The following CEP70 variants were observed in gnomAD, a reference collection of about 807,000 sequenced individuals.
CEP70 encodes centrosomal protein 70, also known as centrosomal protein of 70 kDa.
Under a neutral mutation model 90.9 loss-of-function variants are expected in CEP70, and 70 were observed. That is an observed-to-expected ratio of 0.77 (90% CI 0.64 to 0.94). The LOEUF is 0.94. Ranked by LOEUF, CEP70 falls within the 40% of genes least tolerant of loss-of-function variation. CEP70 has a pLI of 0.00. For missense variants in CEP70, 648 were observed against 669.0 expected (o/e 0.97, Z 0.35); for synonymous variants, 220 against 228.3 (o/e 0.96, Z 0.33).
Position 138,544,507 on chromosome 3 carries a change from G to C in CEP70, c.466-7160C>G, listed in dbSNP as rs569206609. Among the ~76,000 whole-genome samples the C allele has an allele frequency of 2.0e-3, 272 of 136,654 alleles. 2 individuals carry two copies. The highest frequency in any genetic ancestry group is 7.3e-3 in the African/African-American group (260 of 35,588). 89.7% of individuals were successfully genotyped at this position (136,654 alleles called of 152,430 possible). A position where few individuals can be genotyped will look rare whatever the true frequency, so the allele number is the denominator to read the frequency against. ...TATGATCCAGCAAACCCACTACAGA[G>C]TGTGTATGTATGTATGTATGTATGT... On this transcript the variant is annotated intron_variant, in intron 6 of 17. Transcript: ENST00000264982.
chr3:138,564,767 C>G (rs574010238), intron 6 of CEP70, among the ~76,000 whole-genome samples: 1 of 152,110 alleles, frequency 6.6e-6, no homozygotes, highest in Non-Finnish European at 1.5e-5. Flanking sequence ...ACCAGAAGCA[C>G]TCCCTTTGAA....
At chr3:138,557,160 ATTTGCT>A (rs1220143788) in intron 6 of CEP70, among the ~76,000 whole-genome samples, 1 of 152,116 alleles carries the variant, frequency 6.6e-6, no homozygotes, top group Non-Finnish European at 1.5e-5. Context: ...TATTTCTCCC[ATTTGCT>A]TTTGAAAGAA....
At chr3:138,555,346 C>A (rs2039931953) in intron 6 of CEP70, among the ~76,000 whole-genome samples, 1 of 151,002 alleles carries the variant, frequency 6.6e-6, no homozygotes, top group African/African-American at 2.4e-5. Context: ...ATCAGAAAAA[C>A]CCTTCTAGAC....
At chr3:138,524,852 G>A (rs2037049510) in intron 11 of CEP70, among the ~76,000 whole-genome samples, 1 of 152,252 alleles carries the variant, frequency 6.6e-6, no homozygotes, top group Admixed American at 6.5e-5. Context: ...GGAAGACAGT[G>A]TGGTGATTCC....
intron 10 of CEP70, among the ~76,000 whole-genome samples, chr3:138,527,319 T>C (rs960055565): frequency 6.9e-6 from 1 of 143,916 alleles, no homozygotes; most frequent in East Asian, 2.2e-4. Context: ...TACGCTACCA[T>C]GCCTGGCTAA....
At chr3:138,496,455 A>C (rs894243504) in intron 17 of CEP70, 1 of 985,342 alleles carries the variant, frequency 1.0e-6, no homozygotes, top group Non-Finnish European at 1.2e-6. Context: ...GTAAGGTACA[A>C]GATCAAGGTA....
chr3:138,576,360 A>G (rs2041523692), intron 2 of CEP70, among the ~76,000 whole-genome samples: 1 of 152,260 alleles, frequency 6.6e-6, no homozygotes, highest in Non-Finnish European at 1.5e-5. Context: ...AAAGAAGACC[A>G]TTACATAATG....
At chr3:138,508,834 C>T (rs964805374) in intron 11 of CEP70, among the ~76,000 whole-genome samples, 1 of 151,786 alleles carries the variant, frequency 6.6e-6, no homozygotes, top group Non-Finnish European at 1.5e-5. Context: ...CCCGGGTTCA[C>T]ACCATTCTCC....
chr3:138,583,774 G>A (rs2041977400), intron 2 of CEP70, among the ~76,000 whole-genome samples: 1 of 152,038 alleles, frequency 6.6e-6, no homozygotes, highest in African/African-American at 2.4e-5. Context: ...AATGGAAACA[G>A]AACATACCAA....
intron 17 of CEP70, chr3:138,497,175 A>G (rs977633586): frequency 4.2e-6 from 5 of 1,184,272 alleles, no homozygotes; most frequent in South Asian, 3.5e-5. Context: ...CCCACTGCAC[A>G]TAAGACTGGT....
At chr3:138,553,158 G>A (rs1368022645) in intron 6 of CEP70, among the ~76,000 whole-genome samples, 2 of 151,860 alleles carry the variant, frequency 1.3e-5, no homozygotes, top group Admixed American at 6.6e-5. Context: ...CCAATAACAA[G>A]CAGTGAGAAC....
At chr3:138,548,095 A>G (rs1342306374) in intron 6 of CEP70, among the ~76,000 whole-genome samples, 1 of 152,238 alleles carries the variant, frequency 6.6e-6, no homozygotes, top group Non-Finnish European at 1.5e-5. Flanking sequence ...ACGAATATCT[A>G]TTATGAATAT....
At chr3:138,582,932 A>G (rs1335970833) in intron 2 of CEP70, among the ~76,000 whole-genome samples, 1 of 152,116 alleles carries the variant, frequency 6.6e-6, no homozygotes, top group Admixed American at 6.5e-5. Context: ...AAAAGATAGG[A>G]AAGAAGGAAA....
At chr3:138,580,570 A>C (rs756400013) in intron 2 of CEP70, among the ~76,000 whole-genome samples, 9 of 152,158 alleles carry the variant, frequency 5.9e-5, no homozygotes, top group Non-Finnish European at 7.3e-5. Context: ...ACAAGCCCAG[A>C]CTACAAAGAC....
intron 2 of CEP70, among the ~76,000 whole-genome samples, chr3:138,588,007 T>G (rs560022724): frequency 4.6e-5 from 7 of 152,052 alleles, no homozygotes; most frequent in African/African-American, 1.2e-4. Context: ...TAGTTTTTTT[T>G]TTTCAATAAA....
chr3:138,499,598 C>T (rs1412879911), intron 16 of CEP70, among the ~76,000 whole-genome samples: 1 of 152,152 alleles, frequency 6.6e-6, no homozygotes, highest in Non-Finnish European at 1.5e-5. Context: ...TTTCCTCCAT[C>T]CCTAAGGGTT....
At chr3:138,499,608 T>G (rs2034290860) in intron 16 of CEP70, among the ~76,000 whole-genome samples, 1 of 152,150 alleles carries the variant, frequency 6.6e-6, no homozygotes, top group Non-Finnish European at 1.5e-5. Context: ...CCCTAAGGGT[T>G]TGAGATTATC....
At chr3:138,513,786 G>A (rs1478498572) in intron 11 of CEP70, among the ~76,000 whole-genome samples, 1 of 152,068 alleles carries the variant, frequency 6.6e-6, no homozygotes, top group African/African-American at 2.4e-5. Flanking sequence ...TGAAATTAGT[G>A]TAGTACCTTT....
chr3:138,570,844 T>C (rs2041123602), intron 5 of CEP70, among the ~76,000 whole-genome samples, 190 bp downstream of exon 5: 1 of 152,278 alleles, frequency 6.6e-6, no homozygotes, highest in Middle Eastern at 3.4e-3. Context: ...ATAGAAGAAA[T>C]ATAGGGTACC....
Sources: allele counts gnomAD v4.1 joint callset (sites outside exome capture counted in the v4.1 genomes callset), GRCh38; gene constraint gnomAD v4.1.1; transcripts MANE v1.5; gene names NCBI Gene and HGNC (gene_info 2026-07-23, HGNC 2026-07-21).